PCDHGB1: variants seen among roughly 807,000 people sequenced by gnomAD.
The protein encoded by PCDHGB1 is protocadherin gamma-B1.
PCDHGB1 carries 34 observed loss-of-function variants against 56.6 expected under a neutral mutation model. The ratio of observed to expected loss-of-function variants is 0.60; its 90% CI spans 0.46 to 0.80. The LOEUF (loss-of-function observed/expected upper bound fraction) is 0.80, where lower values mean the gene tolerates loss of function less well. Among genes scored for constraint, PCDHGB1 ranks in the 30% least tolerant of loss-of-function variants. The pLI is 0.00. For synonymous variants in PCDHGB1, 561 were observed against 505.9 expected (o/e 1.11, Z -1.46); for missense variants, 1,278 against 1,204.6 (o/e 1.06, Z -0.90).
chr5:141,436,095 GA>G (rs2097795730), intron 1 of PCDHGB1, among the ~76,000 whole-genome samples: 2 of 152,112 alleles, frequency 1.3e-5, no homozygotes, highest in Non-Finnish European at 2.9e-5. Context: ...AATATTGAGA[GA>G]AATAGAGGAC....
intron 2 of PCDHGB1, among the ~76,000 whole-genome samples, chr5:141,503,010 A>ATT (rs199924715): frequency 4.8e-5 from 7 of 146,772 alleles, no homozygotes; most frequent in East Asian, 2.0e-4. Context: ...TGCCCGGTTA[A>ATT]TTTTTTTTTT....
intron 1 of PCDHGB1, chr5:141,403,784 G>C: frequency 1.9e-6 from 3 of 1,613,906 alleles, no homozygotes; most frequent in East Asian, 2.2e-5. Context: ...CGGAAAAGTG[G>C]CATACAAATT....
chr5:141,375,842 C>CT (rs1331781655), intron 1 of PCDHGB1: 1 of 1,614,004 alleles, frequency 6.2e-7, no homozygotes, highest in Non-Finnish European at 8.5e-7. Flanking sequence ...GCCCGGCTAC[C>CT]TGGTGACCAA....
At chr5:141,360,639 A>G (rs1226434354) in intron 1 of PCDHGB1, 5 of 1,613,898 alleles carry the variant, frequency 3.1e-6, no homozygotes, top group African/African-American at 2.7e-5. Context: ...ACTCACTACA[A>G]AGATACCACC....
chr5:141,464,680 A>T (rs747974832), intron 1 of PCDHGB1, among the ~76,000 whole-genome samples: 1 of 152,144 alleles, frequency 6.6e-6, no homozygotes, highest in African/African-American at 2.4e-5. Context: ...TTTTAATTAA[A>T]ATTTCTCTTA....
At chr5:141,402,639 A>C (rs886333954) in intron 1 of PCDHGB1, among the ~76,000 whole-genome samples, 2 of 152,250 alleles carry the variant, frequency 1.3e-5, no homozygotes. Flanking sequence ...ATCTAAAATC[A>C]TAATTAGAAG....
intron 1 of PCDHGB1, chr5:141,475,890 G>C: frequency 1.8e-6 from 1 of 565,896 alleles, no homozygotes; most frequent in South Asian, 2.3e-5. Flanking sequence ...CTGGGACTCT[G>C]TGTGCCGCTG....
At chr5:141,502,781 C>G (rs1360359268) in intron 2 of PCDHGB1, among the ~76,000 whole-genome samples, 2 of 151,658 alleles carry the variant, frequency 1.3e-5, no homozygotes, top group Non-Finnish European at 2.9e-5. Flanking sequence ...TGAAAATTAC[C>G]TGGATGATTT....
rs376466215 is a variant in PCDHGB1, at chr5:141,390,102, A to G, written c.2409+37433A>G. ...TAAATCCGAATCCGTGGTTCCCCCC[A>G]ACTACAGCGAGGGGACTTTGCCTTA... is the stretch of plus-strand genomic sequence containing the variant. On this transcript the variant is annotated intron_variant, in intron 1 of 3. Transcript: ENST00000523390. The G allele has an allele frequency of 4.3e-6, 7 of 1,613,886 alleles. No homozygotes were observed. The African/African-American group carries it at 6.7e-5, about 15-fold the overall frequency.
rs1395235006 is a variant in PCDHGB1 at position 141,360,862 on chromosome 5, A to G, written c.2409+8193A>G. 3.7e-6 allele frequency: 6 copies of G among 1,613,898 alleles called. No individual in the cohort carries two copies. In the African/African-American group the frequency reaches 6.7e-5, roughly 18 times the overall value. The stretch of plus-strand genomic sequence containing the variant: ...TGCCAACGATAACCCTCCAGTGTTC[A>G]GCCAGGACGTGTACAGGGTCACCCT... On this transcript the variant is annotated intron_variant, in intron 1 of 3. Transcript: ENST00000523390.
intron 1 of PCDHGB1, chr5:141,375,345 C>A (rs749825552): frequency 1.9e-6 from 3 of 1,613,740 alleles, no homozygotes; most frequent in Non-Finnish European, 2.5e-6. Context: ...TACAACATCA[C>A]TGTGACAGCC....
At chr5:141,402,993 T>C (rs762604393) in intron 1 of PCDHGB1, 3 of 1,613,752 alleles carry the variant, frequency 1.9e-6, no homozygotes, top group Non-Finnish European at 2.5e-6. Context: ...GGAAGATTAG[T>C]CCTGCTATGC....
In PCDHGB1 at chr5:141,382,880, G is replaced by C. The variant is rs959397097; in HGVS notation, c.2409+30211G>C. The C allele has an allele frequency of 5.2e-6, 8 of 1,526,962 alleles. No homozygotes were observed. The African/African-American group carries it at 5.6e-5, about 11-fold the overall frequency. The allele number at this position is 1,526,962 out of a possible 1,614,324, so 94.6% of individuals were successfully genotyped here. ...AGCACTTCCCGAGATCGGCGCCTAA[G>C]CAAGAGAAGCAGGACGACTATGGCG... On this transcript the variant is annotated intron_variant, in intron 1 of 3. Transcript: ENST00000523390.
chr5:141,410,450 T>G, intron 1 of PCDHGB1: 1 of 1,614,052 alleles, frequency 6.2e-7, no homozygotes, highest in Non-Finnish European at 8.5e-7. Flanking sequence ...GACTTTGCCT[T>G]ATTCTTATAA....
chr5:141,468,528 G>A (rs2154569956), intron 1 of PCDHGB1: 1 of 152,056 alleles, frequency 6.6e-6, no homozygotes, highest in South Asian at 2.1e-4. Context: ...TTTTTTGCAG[G>A]TAGTTTCCTG....
chr5:141,394,362 C>T, intron 1 of PCDHGB1: 1 of 1,614,174 alleles, frequency 6.2e-7, no homozygotes, highest in Non-Finnish European at 8.5e-7. Flanking sequence ...CCTGTATGCG[C>T]TGCAATCTTT....
chr5:141,415,031 G>T lies in PCDHGB1; in HGVS notation c.2409+62362G>T, dbSNP rs982540695. The T allele has an allele frequency of 6.2e-6, 10 of 1,613,464 alleles. No individual in the cohort carries two copies. The highest frequency in any genetic ancestry group is 6.8e-6 in the Non-Finnish European group (8 of 1,179,984). On this transcript the variant is annotated intron_variant, in intron 1 of 3. Transcript: ENST00000523390. ...CGTCTGCTCAAGGCCAGCGAGCCGGGACTCTTCGCGGTGGGGGAGCACACG... is the reference window on the plus strand; with the variant it reads ...CGTCTGCTCAAGGCCAGCGAGCCGGTACTCTTCGCGGTGGGGGAGCACACG...
In PCDHGB1 at chr5:141,361,888, G is replaced by A. The variant is rs201231976; in HGVS notation, c.2409+9219G>A. 488 of 1,610,218 alleles carry A rather than the reference G, an allele frequency of 3.0e-4. 1 individual carries two copies. The African/African-American group carries it at 5.4e-3, about 18-fold the overall frequency. On this transcript the variant is annotated intron_variant, in intron 1 of 3. Coordinates refer to ENST00000523390, the MANE Select transcript of PCDHGB1 (RefSeq NM_018922.3). ...TATGGTGCCACGCGCCGCAGAGCCC[G>A]GCTACCTGGTGACCAAGGTGGTGGC...
chr5:141,399,775 G>A, intron 1 of PCDHGB1: 2 of 1,613,282 alleles, frequency 1.2e-6, no homozygotes, highest in Non-Finnish European at 1.7e-6. Flanking sequence ...GTTGGTGGGC[G>A]ACCGAAACGA....
Sources: allele counts gnomAD v4.1 joint callset (sites outside exome capture counted in the v4.1 genomes callset), GRCh38; gene constraint gnomAD v4.1.1; transcripts MANE v1.5; gene names NCBI Gene and HGNC (gene_info 2026-07-23, HGNC 2026-07-21).